Variants in GPSM2 observed in about 807,000 individuals in gnomAD.
The protein encoded by GPSM2 is G protein signaling modulator 2, also known as G protein-signaling modulator 2.
A neutral mutation model predicts 78.4 loss-of-function variants in GPSM2; 58 were observed. The ratio of observed to expected loss-of-function variants is 0.74; its 90% CI spans 0.60 to 0.92. The LOEUF is 0.92. Ranked by LOEUF, GPSM2 falls within the 40% of genes least tolerant of loss-of-function variation. The pLI is 0.00. For missense variants in GPSM2, 700 were observed against 815.5 expected (o/e 0.86, Z 1.73); for synonymous variants, 224 against 280.2 (o/e 0.80, Z 2.00).
chr1:108,913,065 G>C (rs930672099), intron 10 of GPSM2, among the ~76,000 whole-genome samples: 1 of 152,086 alleles, frequency 6.6e-6, no homozygotes, highest in Non-Finnish European at 1.5e-5. Context: ...AATGATGCAG[G>C]GTAATGGAAA....
chr1:108,931,502 G>A lies in GPSM2; in HGVS notation c.*1562G>A. ...TGTGCACAGCTGGGATGGGATCTGG[G>A]GATGTGGACCCCTATTCTTTCAAAA... On this transcript the variant is annotated 3_prime_UTR_variant, in exon 15 of 15. Transcript: ENST00000264126. The A allele has an allele frequency of 6.5e-7, 1 of 1,547,742 alleles. No individual in the cohort carries two copies.
Position 108,930,007 on chromosome 1 carries a change from A to G in GPSM2, c.*67A>G, listed in dbSNP as rs939379040. On this transcript the variant is annotated 3_prime_UTR_variant, in exon 15 of 15. Transcript: ENST00000264126. Reference sequence around the variant, plus strand: ...AAACAATCTATTACTTTTTTCCTTAAAAGGAGAATTTATAGCACTGTAATA... The same window carrying G: ...AAACAATCTATTACTTTTTTCCTTAGAAGGAGAATTTATAGCACTGTAATA... The G allele has an allele frequency of 4.8e-5, 69 of 1,442,686 alleles. No homozygotes were observed. The highest frequency in any genetic ancestry group is 6.4e-5 in the Non-Finnish European group (66 of 1,033,786). 89.4% of individuals were successfully genotyped at this position (1,442,686 alleles called of 1,614,324 possible). A position where few individuals can be genotyped will look rare whatever the true frequency, so the allele number is the denominator to read the frequency against.
intron 8 of GPSM2, 64 bp from the exon 9 acceptor site, chr1:108,903,062 C>T: frequency 2.1e-6 from 2 of 968,222 alleles, no homozygotes; most frequent in South Asian, 1.3e-5. Context: ...TGCTAGATAG[C>T]TTTTATTCTA....
intron 7 of GPSM2, among the ~76,000 whole-genome samples, chr1:108,899,388 G>C (rs981137370): frequency 1.3e-5 from 2 of 152,146 alleles, no homozygotes. Context: ...TTATGGGTTA[G>C]AAGAGAGGCC....
In GPSM2 at chr1:108,933,734, C is replaced by T. The variant is rs937545837; in HGVS notation, c.*3794C>T. 1.3e-5 allele frequency: 2 copies of T among 152,300 alleles called. No individual in the cohort carries two copies. The highest frequency in any genetic ancestry group is 1.5e-5 in the Non-Finnish European group (1 of 68,024). 9.4% of individuals were successfully genotyped at this position (152,300 alleles called of 1,614,324 possible). A position where few individuals can be genotyped will look rare whatever the true frequency, so the allele number is the denominator to read the frequency against. ...TAAAATGAGGAATGCTTTTGATAATCAGAAAGACTAATGTAAAGTGCTGAC... is the reference window on the plus strand; with the variant it reads ...TAAAATGAGGAATGCTTTTGATAATTAGAAAGACTAATGTAAAGTGCTGAC... On this transcript the variant is annotated 3_prime_UTR_variant, in exon 15 of 15. Coordinates refer to ENST00000264126, the MANE Select transcript of GPSM2 (RefSeq NM_013296.5).
At chr1:108,921,145 C>T (rs1466533946) in intron 12 of GPSM2, among the ~76,000 whole-genome samples, 1 of 152,144 alleles carries the variant, frequency 6.6e-6, no homozygotes, top group Admixed American at 6.6e-5. Context: ...CACCCTCACC[C>T]CTTTCCAAAA....
chr1:108,878,406 T>C (rs1665736458), intron 1 of GPSM2, among the ~76,000 whole-genome samples: 1 of 152,184 alleles, frequency 6.6e-6, no homozygotes. Context: ...TGTGTGATGT[T>C]GTTGTAGAGG....
chr1:108,927,578 T>TAGAG (rs1370636978), intron 14 of GPSM2, among the ~76,000 whole-genome samples: 62 of 152,290 alleles, frequency 4.1e-4, no homozygotes, highest in African/African-American at 1.5e-3. Flanking sequence ...CTGGGTAAAC[T>TAGAG]AGAGAGCCAC....
rs373732566 is a variant in GPSM2, at chr1:108,883,765, CTT to C, written c.-248-1506_-248-1505del. Reference sequence around the variant, plus strand: ...CTGAAGATTTTACCTTTATTCCTCTCTTTTTCTTTCTCACCCTCCTATTAGAT... The same window carrying C: ...CTGAAGATTTTACCTTTATTCCTCTCTTTCTTTCTCACCCTCCTATTAGAT... On this transcript the variant is annotated intron_variant, in intron 1 of 14. Transcript: ENST00000264126. Among the ~76,000 whole-genome samples, 262 of 152,026 alleles carry C rather than the reference CTT, an allele frequency of 1.7e-3. 1 individual carries two copies. Among genetic ancestry groups the C allele is most frequent in the African/African-American group, 5.9e-3 (245 of 41,526 alleles).
rs1487920786 is a variant in GPSM2, at chr1:108,933,950, T to C, written c.*4010T>C. 2 of 152,126 alleles carry C rather than the reference T, an allele frequency of 1.3e-5. No individual in the cohort carries two copies. Among genetic ancestry groups the C allele is most frequent in the Non-Finnish European group, 2.9e-5 (2 of 68,020 alleles). 9.4% of individuals were successfully genotyped at this position (152,126 alleles called of 1,614,324 possible). ...GATTCTGAGTAACACAAAAAATAGGTTTTATAAAAAGCCCATGCACTTCAA... is the reference window on the plus strand; with the variant it reads ...GATTCTGAGTAACACAAAAAATAGGCTTTATAAAAAGCCCATGCACTTCAA... On this transcript the variant is annotated 3_prime_UTR_variant, in exon 15 of 15. Transcript: ENST00000264126.
Position 108,924,117 on chromosome 1 carries a change from G to C in GPSM2, c.1718G>C (p.Arg573Pro), listed in dbSNP as rs1230215742. 8 of 1,613,722 alleles carry C rather than the reference G, an allele frequency of 5.0e-6. No homozygotes were observed. In the South Asian group the frequency reaches 7.7e-5, roughly 16 times the overall value. The change falls in exon 14 of 15, where the codon CGT becomes CCT. Residue 573 changes from arginine to proline, a missense_variant. By Grantham distance (103) the Arg-to-Pro change is moderately radical. Transcript: ENST00000264126. ...AGTTTCAGTAATTTGCCAGGGCTTC[G>C]TCTAACACAAAACAGCCAGTCGGTA... The part of the protein sequence containing the change: ...RASFSNLPGL[R>P]LTQNSQSVLS...
At chr1:108,887,833 G>A (rs1303497770) in intron 2 of GPSM2, among the ~76,000 whole-genome samples, 2 of 152,082 alleles carry the variant, frequency 1.3e-5, no homozygotes, top group South Asian at 2.1e-4. Flanking sequence ...AAATAAAGTC[G>A]GAATAGGTGG....
intron 2 of GPSM2, among the ~76,000 whole-genome samples, chr1:108,886,820 T>A (rs1398124536): frequency 2.0e-5 from 3 of 151,968 alleles, no homozygotes; most frequent in Non-Finnish European, 4.4e-5. Flanking sequence ...GGGCAGGTCT[T>A]CCTGATTTTT....
chr1:108,922,703 A>G (rs760322960), intron 13 of GPSM2, 127 bp downstream of exon 13: 6 of 862,030 alleles, frequency 7.0e-6, no homozygotes, highest in Non-Finnish European at 1.2e-5. Context: ...TATATCTGAA[A>G]TGCTGTTATT....
chr1:108,896,149 T>G (rs1437517631), intron 2 of GPSM2, among the ~76,000 whole-genome samples: 1 of 152,218 alleles, frequency 6.6e-6, no homozygotes, highest in Non-Finnish European at 1.5e-5. Context: ...CTCCCAGATA[T>G]GTTTACAGTG....
chr1:108,897,854 T>C (rs1557862288), intron 4 of GPSM2, 105 bp from the exon 5 acceptor site: 4 of 1,162,068 alleles, frequency 3.4e-6, no homozygotes, highest in Admixed American at 3.9e-5. Flanking sequence ...AGAGCCAATA[T>C]AAAAATTTTT....
At chr1:108,900,717 C>T (rs1486809831) in intron 7 of GPSM2, among the ~76,000 whole-genome samples, 1 of 152,088 alleles carries the variant, frequency 6.6e-6, no homozygotes, top group Non-Finnish European at 1.5e-5. Context: ...AAGCATTATG[C>T]CACAGGATCT....
intron 2 of GPSM2, among the ~76,000 whole-genome samples, chr1:108,888,782 T>C (rs1175088204): frequency 1.5e-4 from 23 of 152,218 alleles, no homozygotes; most frequent in Non-Finnish European, 1.5e-5. Flanking sequence ...GGGAGATTTA[T>C]CATCCTGTAA....
intron 2 of GPSM2, among the ~76,000 whole-genome samples, chr1:108,893,061 T>C (rs1357454255): frequency 2.0e-5 from 3 of 152,228 alleles, no homozygotes; most frequent in Non-Finnish European, 4.4e-5. Flanking sequence ...TAAAATGCCT[T>C]TTTAAAAACG....
Sources: allele counts gnomAD v4.1 joint callset (sites outside exome capture counted in the v4.1 genomes callset), GRCh38; gene constraint gnomAD v4.1.1; transcripts MANE v1.5; gene names NCBI Gene and HGNC (gene_info 2026-07-23, HGNC 2026-07-21).